Variants in DCLK1 observed in about 807,000 individuals in gnomAD.
The protein encoded by DCLK1 is serine/threonine-protein kinase DCLK1.
DCLK1 carries 16 observed loss-of-function variants against 86.2 expected under a neutral mutation model. That is an observed-to-expected ratio of 0.19 (90% CI 0.13 to 0.28). The LOEUF is 0.28. Ranked by LOEUF, DCLK1 falls within the 10% of genes least tolerant of loss-of-function variation. The probability of loss-of-function intolerance (pLI) is 1.00; values close to 1 mark genes in which losing one functional copy is unlikely to be tolerated. For missense variants in DCLK1, 590 were observed against 940.2 expected (o/e 0.63, Z 4.87); for synonymous variants, 369 against 370.5 (o/e 1.00, Z 0.05).
At chr13:35,777,171 C>T (rs1038023371) in intron 16 of DCLK1, among the ~76,000 whole-genome samples, 2 of 152,186 alleles carry the variant, frequency 1.3e-5, no homozygotes, top group Non-Finnish European at 2.9e-5. Context: ...CTTTCAGGTG[C>T]ATGGATCCCC....
intron 15 of DCLK1, among the ~76,000 whole-genome samples, chr13:35,802,585 C>T (rs1019504724): frequency 5.9e-5 from 9 of 151,998 alleles, no homozygotes; most frequent in African/African-American, 1.7e-4. Context: ...AAAAGATCAA[C>T]TTTTCCAGAA....
At chr13:35,963,394 T>C (rs1282492042) in intron 3 of DCLK1, among the ~76,000 whole-genome samples, 2 of 152,254 alleles carry the variant, frequency 1.3e-5, no homozygotes, top group South Asian at 2.1e-4. Context: ...TCTTATTGAA[T>C]GTTTTGGTAG....
Position 35,776,244 on chromosome 13 carries a change from G to A in DCLK1, c.2059-1545C>T, listed in dbSNP as rs372949945. Among the ~76,000 whole-genome samples the A allele has an allele frequency of 1.4e-4, 21 of 152,034 alleles. 1 individual carries two copies. The highest frequency in any genetic ancestry group is 1.3e-3 in the East Asian group (7 of 5,196). ...TTTATTTAAAACATTGTAAAGTTAC[G>A]ACACATGGTATTTTGCTTTCAAAGC... On this transcript the variant is annotated intron_variant, in intron 16 of 16. Coordinates refer to ENST00000360631, the MANE Select transcript of DCLK1 (RefSeq NM_001330071.2).
chr13:35,774,351 T>A lies in DCLK1; in HGVS notation c.*184A>T, dbSNP rs1435067265. The A allele has an allele frequency of 1.3e-6, 1 of 769,596 alleles. No individual in the cohort carries two copies. Among genetic ancestry groups the A allele is most frequent in the African/African-American group, 1.8e-5 (1 of 57,048 alleles). The allele number at this position is 769,596 out of a possible 1,614,324, so 47.7% of individuals were successfully genotyped here. On this transcript the variant is annotated 3_prime_UTR_variant, in exon 17 of 17. Transcript: ENST00000360631. The stretch of plus-strand genomic sequence containing the variant: ...TAGCAGCAAATTACCATCTTCACAA[T>A]CACCACGTGTCATCTTATTCAGTAA...
At chr13:35,963,571 C>T (rs1477262802) in intron 3 of DCLK1, among the ~76,000 whole-genome samples, 1 of 152,090 alleles carries the variant, frequency 6.6e-6, no homozygotes, top group Non-Finnish European at 1.5e-5. Context: ...TTTCCAGAAC[C>T]ACGAAGTAGT....
intron 3 of DCLK1, among the ~76,000 whole-genome samples, chr13:35,976,831 G>A (rs1879371264): frequency 6.6e-6 from 1 of 152,066 alleles, no homozygotes; most frequent in South Asian, 2.1e-4. Context: ...ACCGCGCCCG[G>A]CCTTCTCCGA....
At chr13:35,959,003 A>T (rs1335516856) in intron 3 of DCLK1, among the ~76,000 whole-genome samples, 3 of 151,154 alleles carry the variant, frequency 2.0e-5, no homozygotes, top group African/African-American at 7.4e-5. Flanking sequence ...ATAGTAAGAT[A>T]AAAAAAAGTA....
chr13:36,053,139 A>C (rs763475649), intron 3 of DCLK1, among the ~76,000 whole-genome samples: 1 of 152,198 alleles, frequency 6.6e-6, no homozygotes, highest in Non-Finnish European at 1.5e-5. Flanking sequence ...ATTAAAAGGA[A>C]TGCTATATTT....
chr13:35,858,574 T>C (rs561819877), intron 5 of DCLK1, among the ~76,000 whole-genome samples: 16 of 152,296 alleles, frequency 1.1e-4, no homozygotes, highest in African/African-American at 3.8e-4. Context: ...AGAACCCTCC[T>C]AGCATCTGCA....
chr13:35,974,921 C>A (rs939941275), intron 3 of DCLK1, among the ~76,000 whole-genome samples: 5 of 152,152 alleles, frequency 3.3e-5, no homozygotes, highest in African/African-American at 1.2e-4. Flanking sequence ...GTTATGGAGG[C>A]CCTAGAAAAT....
intron 15 of DCLK1, among the ~76,000 whole-genome samples, chr13:35,799,205 A>T (rs1414358720): frequency 6.6e-6 from 1 of 151,984 alleles, no homozygotes; most frequent in African/African-American, 2.4e-5. Flanking sequence ...CAGGCATCAG[A>T]CCTGTATTAG....
intron 4 of DCLK1, among the ~76,000 whole-genome samples, chr13:35,896,670 A>G (rs1343405503): frequency 6.6e-6 from 1 of 151,454 alleles, no homozygotes; most frequent in African/African-American, 2.4e-5. Context: ...GTAAAGCTCC[A>G]CAGAGAAATC....
intron 3 of DCLK1, among the ~76,000 whole-genome samples, chr13:36,107,249 C>T (rs1308641021): frequency 6.6e-6 from 1 of 151,954 alleles, no homozygotes; most frequent in Non-Finnish European, 1.5e-5. Flanking sequence ...TATGGCTACC[C>T]ATACTTCAGC....
chr13:35,916,008 G>T (rs2153125824), intron 4 of DCLK1, among the ~76,000 whole-genome samples: 1 of 152,264 alleles, frequency 6.6e-6, no homozygotes, highest in South Asian at 2.1e-4. Context: ...AAGGATGGGA[G>T]TCAAAGGTGA....
intron 2 of DCLK1, among the ~76,000 whole-genome samples, chr13:36,123,162 C>G (rs527272062): frequency 1.3e-5 from 2 of 152,084 alleles, no homozygotes; most frequent in East Asian, 1.9e-4. Context: ...CATGCACTGA[C>G]GTTTACATAA....
intron 15 of DCLK1, among the ~76,000 whole-genome samples, chr13:35,794,214 A>C (rs183103108): frequency 6.6e-6 from 1 of 152,348 alleles, no homozygotes; most frequent in East Asian, 1.9e-4. Flanking sequence ...ACTAGAGTTC[A>C]TGATGAAAAG....
At chr13:35,974,518 C>T (rs969343453) in intron 3 of DCLK1, among the ~76,000 whole-genome samples, 4 of 152,178 alleles carry the variant, frequency 2.6e-5, no homozygotes, top group African/African-American at 9.6e-5. Context: ...GTAATTGGAT[C>T]TTGGGGGCGG....
chr13:36,056,843 C>T (rs2153158330), intron 3 of DCLK1, among the ~76,000 whole-genome samples: 1 of 144,288 alleles, frequency 6.9e-6, no homozygotes, highest in African/African-American at 2.6e-5. Context: ...TTGCAGTGAG[C>T]CGAGATCGTG....
chr13:36,031,584 TA>T (rs1462464320), intron 3 of DCLK1, among the ~76,000 whole-genome samples: 5 of 152,202 alleles, frequency 3.3e-5, no homozygotes, highest in Non-Finnish European at 7.3e-5. Flanking sequence ...TTTGACAATA[TA>T]AAAAGGTTCC....
Sources: allele counts gnomAD v4.1 joint callset (sites outside exome capture counted in the v4.1 genomes callset), GRCh38; gene constraint gnomAD v4.1.1; transcripts MANE v1.5; gene names NCBI Gene and HGNC (gene_info 2026-07-23, HGNC 2026-07-21).